The following REPS2 variants were observed in gnomAD, a reference collection of about 807,000 sequenced individuals.
REPS2 encodes RALBP1 associated Eps domain containing 2, also known as ralBP1-associated Eps domain-containing protein 2.
In REPS2, 23 loss-of-function variants were observed where a neutral mutation model predicts 53.6. The ratio of observed to expected loss-of-function variants is 0.43; its 90% CI spans 0.31 to 0.61. The LOEUF is 0.61. Among genes scored for constraint, REPS2 ranks in the 20% least tolerant of loss-of-function variants. REPS2 has a pLI of 0.11. For missense variants in REPS2, 446 were observed against 534.9 expected, an observed-to-expected ratio of 0.83 and a Z score of 1.64; for synonymous variants, 238 against 218.6, an observed-to-expected ratio of 1.09 and a Z score of -0.78.
In REPS2 at chrX:17,043,248, CAT is replaced by C. The variant is rs766931826; in HGVS notation, c.772-4098_772-4097del. ...GCCACTCTATGGGTTACACAGAACT[CAT>C]GTGCCCTCTCCCTTTGTCCTAAGGC... On this transcript the variant is annotated intron_variant, in intron 5 of 17. Coordinates refer to ENST00000357277, the MANE Select transcript of REPS2 (RefSeq NM_004726.3). 7.1e-3 allele frequency among the ~76,000 whole-genome samples: 788 copies of C among 111,657 alleles called. 6 individuals carry two copies. Among genetic ancestry groups the C allele is most frequent in the African/African-American group, 0.025 (755 of 30,734 alleles).
At chrX:17,021,982 C>T (rs2061583058) in intron 2 of REPS2, 141 bp from the exon 3 acceptor site, 2 of 517,007 alleles carry the variant, frequency 3.9e-6, no homozygotes, top group Admixed American at 6.4e-5. Context: ...TAGGAGTACT[C>T]ATTGTATCTA....
At chrX:17,194,412 A>T in the REPS2 span, among the ~76,000 whole-genome samples, 1 of 112,130 alleles carries the variant, frequency 8.9e-6, no homozygotes, top group African/African-American at 3.2e-5. Context: ...AGGGACAATG[A>T]TGCATACAGT....
chrX:17,025,737 C>G (rs1217816916), intron 4 of REPS2, among the ~76,000 whole-genome samples: 1 of 111,430 alleles, frequency 9.0e-6, no homozygotes, highest in Admixed American at 9.5e-5. Context: ...CCTTCTTGCT[C>G]ACATTTATGC....
At chrX:17,000,709 A>G (rs766081178) in intron 1 of REPS2, among the ~76,000 whole-genome samples, 129 of 112,154 alleles carry the variant, frequency 1.2e-3, no homozygotes, top group Non-Finnish European at 2.2e-3. Flanking sequence ...AATTCAAAAC[A>G]TAATAACTGA....
At chrX:16,992,929 T>A (rs2147764380) in intron 1 of REPS2, among the ~76,000 whole-genome samples, 1 of 112,167 alleles carries the variant, frequency 8.9e-6, no homozygotes, top group Admixed American at 9.4e-5. Flanking sequence ...CAGAAAATAT[T>A]ATTTTTGAGT....
In REPS2 at chrX:17,060,773, G is replaced by A. The variant is rs181347330; in HGVS notation, c.1115-1665G>A. On this transcript the variant is annotated intron_variant, in intron 8 of 17. Coordinates refer to ENST00000357277, the MANE Select transcript of REPS2 (RefSeq NM_004726.3). ...GTAGAGAGGCTGGGTTGAAGCTGAG[G>A]AAGAAGGTGGGGAACATATGACGGG... Among the ~76,000 whole-genome samples, 53 of 111,157 alleles carry A rather than the reference G, an allele frequency of 4.8e-4. No individual in the cohort carries two copies. In the East Asian group the frequency reaches 0.015, roughly 31 times the overall value.
intron 8 of REPS2, among the ~76,000 whole-genome samples, chrX:17,059,410 G>T (rs749111417): frequency 9.2e-6 from 1 of 108,900 alleles, no homozygotes; most frequent in Non-Finnish European, 1.9e-5. Flanking sequence ...GATTGGTGAA[G>T]AGTATAAATT....
intron 9 of REPS2, among the ~76,000 whole-genome samples, chrX:17,067,208 G>T (rs1443203177): frequency 8.9e-6 from 1 of 112,168 alleles, no homozygotes; most frequent in Non-Finnish European, 1.9e-5. Context: ...TCCAGAGTTT[G>T]TGTATATAAA....
chrX:17,150,215 T>C lies in REPS2; in HGVS notation c.*2734T>C, dbSNP rs1233584646. 8.9e-6 allele frequency: 1 copy of C among 112,768 alleles called. No homozygotes were observed. Among genetic ancestry groups the C allele is most frequent in the Middle Eastern group, 4.2e-3 (1 of 240 alleles). The allele number at this position is 112,768 out of a possible 1,213,427, so 9.3% of individuals were successfully genotyped here. A position where few individuals can be genotyped will look rare whatever the true frequency, so the allele number is the denominator to read the frequency against. On this transcript the variant is annotated 3_prime_UTR_variant, in exon 18 of 18. Transcript: ENST00000357277. ...TTCTGTGAGCCTTTAATGTGATTTATAAGATGGCCGAATTACTGAAATCAC... is the reference window on the plus strand; with the variant it reads ...TTCTGTGAGCCTTTAATGTGATTTACAAGATGGCCGAATTACTGAAATCAC...
At chrX:17,119,027 G>A (rs543614913) in intron 14 of REPS2, among the ~76,000 whole-genome samples, 1 of 112,650 alleles carries the variant, frequency 8.9e-6, no homozygotes, top group Middle Eastern at 4.6e-3. Context: ...CTTCAACAGA[G>A]TGCCCGATGC....
chrX:17,166,342 A>G, the REPS2 span, among the ~76,000 whole-genome samples: 1 of 111,517 alleles, frequency 9.0e-6, no homozygotes, highest in Non-Finnish European at 1.9e-5. Context: ...ACCGTGGGCT[A>G]CTCCCCAAGA....
rs113051052 is a variant in REPS2, at chrX:16,983,665, G to A, written c.274-22556G>A. ...TTACAGGCATGCGCCACCATGCCCAGTTAATGTTTTGTATTTTCAGTAGAG... is the reference window on the plus strand; with the variant it reads ...TTACAGGCATGCGCCACCATGCCCAATTAATGTTTTGTATTTTCAGTAGAG... On this transcript the variant is annotated intron_variant, in intron 1 of 17. Transcript: ENST00000357277. Among the ~76,000 whole-genome samples, 602 of 112,202 alleles carry A rather than the reference G, an allele frequency of 5.4e-3. 5 individuals are homozygous for A. Among genetic ancestry groups the A allele is most frequent in the African/African-American group, 0.019 (578 of 30,853 alleles).
chrX:16,984,232 G>A (rs1188215539), intron 1 of REPS2, among the ~76,000 whole-genome samples: 4 of 112,213 alleles, frequency 3.6e-5, no homozygotes, highest in Non-Finnish European at 5.6e-5. Context: ...CACTTCCATT[G>A]TGGTGCACTC....
rs918095838 is a variant in REPS2 at position 17,015,293 on chromosome X, A to G, written c.398-6830A>G. Among the ~76,000 whole-genome samples, 19 of 112,904 alleles carry G rather than the reference A, an allele frequency of 1.7e-4. No individual in the cohort carries two copies. In the Admixed American group the frequency reaches 1.8e-3, roughly 11 times the overall value. On this transcript the variant is annotated intron_variant, in intron 2 of 17. Coordinates refer to ENST00000357277, the MANE Select transcript of REPS2 (RefSeq NM_004726.3). ...AATAAAAGGTTTTAAACAGTGTAAAATATTTTCTGTTAAATGCAACCTTAT... is the reference window on the plus strand; with the variant it reads ...AATAAAAGGTTTTAAACAGTGTAAAGTATTTTCTGTTAAATGCAACCTTAT...
chrX:17,105,502 G>T (rs1323227099), intron 14 of REPS2, among the ~76,000 whole-genome samples: 1 of 112,274 alleles, frequency 8.9e-6, no homozygotes, highest in Non-Finnish European at 1.9e-5. Context: ...CATCTGAGCT[G>T]CTTGAGGTGG....
intron 1 of REPS2, among the ~76,000 whole-genome samples, chrX:16,979,971 C>G (rs999272201): frequency 1.8e-5 from 2 of 111,742 alleles, no homozygotes; most frequent in Non-Finnish European, 3.8e-5. Context: ...AATCACAGTA[C>G]TATTGGCCCC....
chrX:16,960,192 T>C (rs1204135967), intron 1 of REPS2, among the ~76,000 whole-genome samples: 1 of 110,200 alleles, frequency 9.1e-6, no homozygotes, highest in Non-Finnish European at 1.9e-5. Flanking sequence ...AGTGAGACAC[T>C]GTCTCTACAA....
intron 17 of REPS2, among the ~76,000 whole-genome samples, chrX:17,146,476 C>A (rs1478678112): frequency 1.8e-5 from 2 of 111,647 alleles, no homozygotes; most frequent in East Asian, 2.8e-4. Flanking sequence ...CCCTCTGTTA[C>A]TCTCTATTAT....
intron 5 of REPS2, among the ~76,000 whole-genome samples, chrX:17,037,620 C>A (rs2061782802): frequency 8.9e-6 from 1 of 112,657 alleles, no homozygotes; most frequent in South Asian, 3.7e-4. Context: ...CCGGCCTCTA[C>A]CTGTTTCTTA....
Sources: gnomAD v4.1 joint callset for allele counts (sites outside exome capture counted in the v4.1 genomes callset) on GRCh38, gnomAD v4.1.1 for gene constraint, MANE v1.5 for transcripts, NCBI Gene and HGNC (gene_info 2026-07-23, HGNC 2026-07-21) for gene names.